Variants in EGR2 observed in about 807,000 individuals in gnomAD.
EGR2 encodes early growth response 2.
In EGR2, 2 loss-of-function variants were observed where a neutral mutation model predicts 21.2. The observed-to-expected ratio is 0.09, with a 90% CI of 0.04 to 0.30. The LOEUF (loss-of-function observed/expected upper bound fraction) is 0.30. Among genes scored for constraint, EGR2 ranks in the 10% least tolerant of loss-of-function variants. The probability of loss-of-function intolerance (pLI) is 1.00; values close to 1 mark genes in which losing one functional copy is unlikely to be tolerated. For synonymous variants in EGR2, 282 were observed against 258.2 expected, an observed-to-expected ratio of 1.09 and a Z score of -0.88; for missense variants, 458 against 630.2, an observed-to-expected ratio of 0.73 and a Z score of 2.93.
Position 62,814,217 on chromosome 10 carries a change from G to T in EGR2, c.421C>A (p.Pro141Thr). ...TASSSVTSASPNPLATGPLGV... is the reference protein window; with the variant it reads ...TASSSVTSASTNPLATGPLGV... ...AGGGGTCCTGTGGCCAGTGGGTTGG[G>T]GGAGGCAGAGGTGACGCTGGATGAG... Residue 141 changes from proline to threonine, a missense_variant, in exon 2 of 2, where the codon CCC (proline) becomes ACC (threonine). Coordinates refer to ENST00000242480, the MANE Select transcript of EGR2 (RefSeq NM_000399.5). This position sits in a 1 kb window ranked among gnomAD's most constrained non-coding sequence, Gnocchi z 4.8. The T allele has an allele frequency of 6.2e-7, 1 of 1,614,182 alleles. No homozygotes were observed. The highest frequency in any genetic ancestry group is 8.5e-7 in the Non-Finnish European group (1 of 1,180,010).
rs1187456683 is a variant in EGR2, at chr10:62,815,947, A to G, written c.83T>C (p.Val28Ala). Residue 28 changes from valine to alanine, a missense_variant, in exon 1 of 2, where the codon GTG becomes GCG. By Grantham distance (64) the Val-to-Ala change is moderately conservative (BLOSUM62 0). Transcript: ENST00000242480. ...VHQLSDNIYP[V>A]EDLAATSVTI... Reference sequence around the variant, plus strand: ...CACCGACGTGGCGGCGAGGTCCTCCACCGGGTAGATGTTGTCAGACAGCTG... The same window carrying G: ...CACCGACGTGGCGGCGAGGTCCTCCGCCGGGTAGATGTTGTCAGACAGCTG... 3 of 1,614,214 alleles carry G rather than the reference A, an allele frequency of 1.9e-6. No individual in the cohort carries two copies. The highest frequency in any genetic ancestry group is 2.5e-6 in the Non-Finnish European group (3 of 1,180,012).
intron 1 of EGR2, 107 bp downstream of exon 1, chr10:62,815,754 G>A (rs749283183): frequency 1.1e-5 from 16 of 1,391,636 alleles, no homozygotes; most frequent in Non-Finnish European, 1.4e-5. Context: ...AGTCAGCACC[G>A]TCCACCTGGA....
upstream of EGR2, among the ~76,000 whole-genome samples, chr10:62,817,414 G>T (rs1339673770): frequency 6.6e-6 from 1 of 152,078 alleles, no homozygotes. This position sits in a 1 kb window ranked among gnomAD's most constrained non-coding sequence, Gnocchi z 4.4. Flanking sequence ...CTGCGTCCGC[G>T]CGCCGTCGTT....
chr10:62,818,223 G>A (rs1838300629), upstream of EGR2, among the ~76,000 whole-genome samples: 1 of 152,124 alleles, frequency 6.6e-6, no homozygotes, highest in Non-Finnish European at 1.5e-5. Context: ...GCGCACCGCG[G>A]TCAGGGCCCT....
At chr10:62,818,461 C>T, upstream of EGR2, 1 of 789,366 alleles carries the variant, frequency 1.3e-6, no homozygotes, top group South Asian at 1.9e-5. Context: ...ATACCCCACC[C>T]CAGCAAAAAT....
chr10:62,815,298 G>A (rs1409877227), intron 1 of EGR2, among the ~76,000 whole-genome samples: 3 of 152,222 alleles, frequency 2.0e-5, no homozygotes, highest in Non-Finnish European at 4.4e-5. Flanking sequence ...GCCTCCGCCG[G>A]CCGGAGCCCC....
rs984165267 is a variant in EGR2, at chr10:62,813,647, T to C, written c.991A>G (p.Ser331Gly). ...LRPRKYPNRP[S>G]KTPVHERPYP... is the part of the protein sequence containing the mutation. ...GGCCTCTCGTGCACCGGCGTCTTGC[T>C]GGGTCTGTTGGGGTACTTGCGAGGC... The change falls in exon 2 of 2, where the codon AGC becomes GGC. Residue 331 changes from serine (S) to glycine (G), a missense_variant. By Grantham distance (56) the Ser-to-Gly change is moderately conservative (BLOSUM62 0). Transcript: ENST00000242480. This position sits in a 1 kb window ranked among gnomAD's most constrained non-coding sequence, Gnocchi z 5.7. The C allele has an allele frequency of 6.2e-7, 1 of 1,613,198 alleles. No individual in the cohort carries two copies. Among genetic ancestry groups the C allele is most frequent in the African/African-American group, 1.3e-5 (1 of 74,942 alleles).
rs761429712 is a variant in EGR2, at chr10:62,814,089, C to T, written c.549G>A (p.Gln183=). The T allele has an allele frequency of 1.2e-6, 2 of 1,613,884 alleles. No homozygotes were observed. Among genetic ancestry groups the T allele is most frequent in the Non-Finnish European group, 1.7e-6 (2 of 1,179,936 alleles). ...CTGCTGACAGGAACGCAGAAGGGTCCTGGTAGAGGTCTCCTGCACAGCCAG... is the reference window on the plus strand; with the variant it reads ...CTGCTGACAGGAACGCAGAAGGGTCTTGGTAGAGGTCTCCTGCACAGCCAG... ...PYSGCAGDLY[Q]DPSAFLSAAT... The change falls in exon 2 of 2, where the codon CAG becomes CAA. Residue 183 remains glutamine (Q), a synonymous_variant. Transcript: ENST00000242480. This position sits in a 1 kb window ranked among gnomAD's most constrained non-coding sequence, Gnocchi z 4.8.
chr10:62,816,128 C>T lies in EGR2; in HGVS notation c.-99G>A. ...TTGGACTGAGCCTGGGATGGTATCTCCTTTTGCCCTCCACACTTAAAAACA... is the reference window on the plus strand; with the variant it reads ...TTGGACTGAGCCTGGGATGGTATCTTCTTTTGCCCTCCACACTTAAAAACA... On this transcript the variant is annotated 5_prime_UTR_variant, in exon 1 of 2. Coordinates refer to ENST00000242480, the MANE Select transcript of EGR2 (RefSeq NM_000399.5). The T allele has an allele frequency of 1.2e-6, 2 of 1,607,818 alleles. No homozygotes were observed. The highest frequency in any genetic ancestry group is 1.7e-6 in the Non-Finnish European group (2 of 1,177,280).
upstream of EGR2, among the ~76,000 whole-genome samples, chr10:62,816,856 T>C (rs926632885): frequency 1.3e-5 from 2 of 151,956 alleles, no homozygotes; most frequent in Non-Finnish European, 2.9e-5. Context: ...CCCTACTCAC[T>C]TTCTTGGCAG....
In EGR2 at chr10:62,814,230, G is replaced by C; in HGVS notation, c.408C>G (p.Val136=). ...SPASTTASSS[V]TSASPNPLAT... Reference sequence around the variant, plus strand: ...CCAGTGGGTTGGGGGAGGCAGAGGTGACGCTGGATGAGGCTGTGGTTGAAG... The same window carrying C: ...CCAGTGGGTTGGGGGAGGCAGAGGTCACGCTGGATGAGGCTGTGGTTGAAG... Residue 136 remains valine (V), a synonymous_variant, in exon 2 of 2, where the codon GTC becomes GTG. Transcript: ENST00000242480. This position sits in a 1 kb window ranked among gnomAD's most constrained non-coding sequence, Gnocchi z 4.8. 1 of 1,614,182 alleles carries C rather than the reference G, an allele frequency of 6.2e-7. No individual in the cohort carries two copies. Among genetic ancestry groups the C allele is most frequent in the Non-Finnish European group, 8.5e-7 (1 of 1,180,014 alleles).
chr10:62,815,459 G>C (rs1842240143), intron 1 of EGR2, among the ~76,000 whole-genome samples: 1 of 152,194 alleles, frequency 6.6e-6, no homozygotes, highest in South Asian at 2.1e-4. Context: ...TCCGCCGCTC[G>C]GCTCTCCAGG....
At chr10:62,818,724 G>T, upstream of EGR2, 3 of 752,488 alleles carry the variant, frequency 4.0e-6, no homozygotes, top group East Asian at 1.1e-4. Context: ...TACGGCCCCC[G>T]CCGGCCCCTT....
chr10:62,818,779 C>A, upstream of EGR2: 1 of 227,454 alleles, frequency 4.4e-6, no homozygotes. Flanking sequence ...GGCGACTGCT[C>A]GCGCTTCGCT....
At position 62,813,336 on chromosome 10, in the gene EGR2, C is replaced by G; in HGVS notation, c.1302G>C (p.Ser434=). ...AGGAGGCTGTAGAGGGGGCTGGCAC[C>G]GATGCAGAGGGGGCACTGCTTTTCC... is the stretch of plus-strand genomic sequence containing the variant. The part of the protein sequence containing the change: ...KERKSSAPSA[S]VPAPSTASCS... The change falls in exon 2 of 2, where the codon TCG becomes TCC. Residue 434 remains serine, a synonymous_variant. Coordinates refer to ENST00000242480, the MANE Select transcript of EGR2 (RefSeq NM_000399.5). The surrounding 1 kb of genome is among the most constrained non-coding windows in gnomAD (Gnocchi z 5.7). The G allele has an allele frequency of 4.4e-6, 7 of 1,590,984 alleles. No individual in the cohort carries two copies. The highest frequency in any genetic ancestry group is 5.1e-6 in the Non-Finnish European group (6 of 1,166,036).
intron 1 of EGR2, 101 bp downstream of exon 1, chr10:62,815,760 C>T (rs1288370694): frequency 1.0e-5 from 15 of 1,442,488 alleles, no homozygotes; most frequent in Non-Finnish European, 1.4e-5. Context: ...CACCGTCCAC[C>T]TGGAGCCCCA....
chr10:62,814,560 G>T lies in EGR2; in HGVS notation c.170-92C>A. 1 of 1,257,850 alleles carries T rather than the reference G, an allele frequency of 8.0e-7. No homozygotes were observed. Among genetic ancestry groups the T allele is most frequent in the Non-Finnish European group, 1.2e-6 (1 of 866,122 alleles). The allele number at this position is 1,257,850 out of a possible 1,614,324, so 77.9% of individuals were successfully genotyped here. On this transcript the variant is annotated intron_variant, in intron 1 of 1. Transcript: ENST00000242480. The surrounding 1 kb of genome is among the most constrained non-coding windows in gnomAD (Gnocchi z 4.8). ...CCGCTCACATAGGTCCATTTCCAAG[G>T]CCGAGAGTCTCAGCACTGTAGAGCT...
chr10:62,813,729 T>C lies in EGR2; in HGVS notation c.909A>G (p.Ala303=). 6.2e-7 allele frequency: 1 copy of C among 1,606,910 alleles called. No homozygotes were observed. Among genetic ancestry groups the C allele is most frequent in the Non-Finnish European group, 8.5e-7 (1 of 1,177,222 alleles). ...RLPGSSSAAA[A]AAAAAAYNPH... ...GGTTATAGGCGGCGGCGGCGGCGGCTGCTGCTGCTGCTGAGCTGCTACCAG... is the reference window on the plus strand; with the variant it reads ...GGTTATAGGCGGCGGCGGCGGCGGCCGCTGCTGCTGCTGAGCTGCTACCAG... The change falls in exon 2 of 2, where the codon GCA becomes GCG. Residue 303 remains alanine (A), a synonymous_variant. Coordinates refer to ENST00000242480, the MANE Select transcript of EGR2 (RefSeq NM_000399.5). The surrounding 1 kb of genome is among the most constrained non-coding windows in gnomAD (Gnocchi z 5.7).
Position 62,813,640 on chromosome 10 carries a change from G to A in EGR2, c.998C>T (p.Thr333Met). ...CGGGTAGGGCCTCTCGTGCACCGGCGTCTTGCTGGGTCTGTTGGGGTACTT... is the reference window on the plus strand; with the variant it reads ...CGGGTAGGGCCTCTCGTGCACCGGCATCTTGCTGGGTCTGTTGGGGTACTT... ...PRKYPNRPSKTPVHERPYPCP... is the reference protein window; with the variant it reads ...PRKYPNRPSKMPVHERPYPCP... The change falls in exon 2 of 2, where the codon ACG becomes ATG. Residue 333 changes from threonine to methionine, a missense_variant. By Grantham distance (81) the Thr-to-Met change is moderately conservative. Coordinates refer to ENST00000242480, the MANE Select transcript of EGR2 (RefSeq NM_000399.5). The surrounding 1 kb of genome is among the most constrained non-coding windows in gnomAD (Gnocchi z 5.7). The A allele has an allele frequency of 1.2e-6, 2 of 1,613,148 alleles. No homozygotes were observed. Among genetic ancestry groups the A allele is most frequent in the Non-Finnish European group, 8.5e-7 (1 of 1,180,024 alleles).
Sources: allele counts gnomAD v4.1 joint callset (sites outside exome capture counted in the v4.1 genomes callset), GRCh38; gene constraint gnomAD v4.1.1; non-coding constraint Gnocchi (gnomAD v3.1); transcripts MANE v1.5; gene names NCBI Gene and HGNC (gene_info 2026-07-23, HGNC 2026-07-21).